The following SGMS2 variants were observed in gnomAD, a reference collection of about 807,000 sequenced individuals.
The protein encoded by SGMS2 is sphingomyelin synthase 2.
Under a neutral mutation model 43.8 loss-of-function variants are expected in SGMS2, and 21 were observed. The observed-to-expected ratio is 0.48, with a 90% CI of 0.34 to 0.69. The LOEUF (loss-of-function observed/expected upper bound fraction) is 0.69, where lower values mean the gene tolerates loss of function less well. SGMS2 is among the 30% of genes least tolerant of loss of function. SGMS2 has a pLI of 0.01. For missense variants in SGMS2, 384 were observed against 443.2 expected, an observed-to-expected ratio of 0.87 and a Z score of 1.20; for synonymous variants, 167 against 160.6, an observed-to-expected ratio of 1.04 and a Z score of -0.30.
intron 1 of SGMS2, among the ~76,000 whole-genome samples, chr4:107,841,601 A>G (rs1401395678): frequency 6.6e-6 from 1 of 152,066 alleles, no homozygotes; most frequent in Admixed American, 6.6e-5. Context: ...AATAGATGCT[A>G]CTTATCATGG....
Position 107,825,610 on chromosome 4 carries a change from TTTTC to T in SGMS2, c.-327+363_-327+366del, listed in dbSNP as rs1725538223. Among the ~76,000 whole-genome samples, 11 of 149,560 alleles carry T rather than the reference TTTTC, an allele frequency of 7.4e-5. No individual in the cohort carries two copies. In the South Asian group the frequency reaches 2.3e-3, roughly 31 times the overall value. ...TGTGTGTTTGTGTGTGTGGTTTTTC[TTTTC>T]TTTCTCTTTTTTTTTTTTTTTTTTT... is the stretch of plus-strand genomic sequence containing the variant. On this transcript the variant is annotated intron_variant, in intron 1 of 6. Transcript: ENST00000690982.
rs547138004 is a variant in SGMS2, at chr4:107,912,836, A to C, written c.*2283A>C. The C allele has an allele frequency of 3.9e-5, 6 of 152,156 alleles. No individual in the cohort carries two copies. The highest frequency in any genetic ancestry group is 7.3e-5 in the Non-Finnish European group (5 of 68,036). The allele number at this position is 152,156 out of a possible 1,614,324, so 9.4% of individuals were successfully genotyped here. ...AAAAACACCTGTGATGCCAATGTGG[A>C]CATTGCCGCTGCCATGTCTTTACAC... On this transcript the variant is annotated 3_prime_UTR_variant, in exon 7 of 7. Transcript: ENST00000690982.
chr4:107,914,310 G>A lies in SGMS2; in HGVS notation c.*3757G>A, dbSNP rs899699202. On this transcript the variant is annotated 3_prime_UTR_variant, in exon 7 of 7. Transcript: ENST00000690982. Reference sequence around the variant, plus strand: ...GCTGTGTTCTAAATAAATCATGAATGAGAAGAGTGCTTTATTGTGAAATTA... The same window carrying A: ...GCTGTGTTCTAAATAAATCATGAATAAGAAGAGTGCTTTATTGTGAAATTA... 1.3e-5 allele frequency: 2 copies of A among 152,074 alleles called. No homozygotes were observed. The highest frequency in any genetic ancestry group is 4.8e-5 in the African/African-American group (2 of 41,440). 9.4% of individuals were successfully genotyped at this position (152,074 alleles called of 1,614,324 possible).
At chr4:107,849,624 A>G (rs1169919023) in intron 1 of SGMS2, among the ~76,000 whole-genome samples, 2 of 152,124 alleles carry the variant, frequency 1.3e-5, no homozygotes, top group Non-Finnish European at 2.9e-5. Flanking sequence ...ACTGTGGTCC[A>G]CAGAATTAAA....
intron 6 of SGMS2, among the ~76,000 whole-genome samples, chr4:107,909,741 C>G (rs1312674839): frequency 1.3e-5 from 2 of 152,210 alleles, no homozygotes; most frequent in East Asian, 3.8e-4. Context: ...CCATGACTTA[C>G]TTATCTTTGA....
chr4:107,870,895 A>G (rs575514502), intron 2 of SGMS2, among the ~76,000 whole-genome samples: 1 of 152,104 alleles, frequency 6.6e-6, no homozygotes, highest in Non-Finnish European at 1.5e-5. Flanking sequence ...TTATTTATAT[A>G]GAGTCATCAA....
chr4:107,851,530 C>T (rs1015497186), intron 1 of SGMS2, among the ~76,000 whole-genome samples: 2 of 152,172 alleles, frequency 1.3e-5, no homozygotes, highest in South Asian at 2.1e-4. Flanking sequence ...GACTAAATTA[C>T]TCAGGTATAG....
intron 2 of SGMS2, among the ~76,000 whole-genome samples, chr4:107,859,497 G>A (rs1237760581): frequency 6.6e-6 from 1 of 152,106 alleles, no homozygotes; most frequent in African/African-American, 2.4e-5. Context: ...CACTAAGAAT[G>A]GCAGCTATTT....
chr4:107,855,140 A>C (rs1380888749), intron 1 of SGMS2, among the ~76,000 whole-genome samples: 1 of 152,184 alleles, frequency 6.6e-6, no homozygotes, highest in Non-Finnish European at 1.5e-5. Context: ...CTTACTATAT[A>C]CCAGGTGCTG....
At position 107,887,712 on chromosome 4, in the gene SGMS2, A is replaced by G. The variant is rs545179065; in HGVS notation, c.-244-7598A>G. ...TAGGATCACAGGTCATTGTAAAATA[A>G]GTCATTTCATTTAACCAAAGTGATA... On this transcript the variant is annotated intron_variant, in intron 2 of 6. Transcript: ENST00000690982. Among the ~76,000 whole-genome samples the G allele has an allele frequency of 5.3e-5, 8 of 152,366 alleles. No individual in the cohort carries two copies. In the South Asian group the frequency reaches 1.2e-3, roughly 24 times the overall value.
In SGMS2 at chr4:107,899,439, CTG is replaced by C. The variant is rs1437458479; in HGVS notation, c.456-133_456-132del. 4 of 601,032 alleles carry C rather than the reference CTG, an allele frequency of 6.7e-6. No homozygotes were observed. The African/African-American group carries it at 7.7e-5, about 12-fold the overall frequency. 37.2% of individuals were successfully genotyped at this position (601,032 alleles called of 1,614,324 possible). A position where few individuals can be genotyped will look rare whatever the true frequency, so the allele number is the denominator to read the frequency against. ...CAACTCAAAAGTAAGCCTTTAAACT[CTG>C]TGAAACTGTGGTTTGTTTGTTAATG... On this transcript the variant is annotated intron_variant, in intron 3 of 6. Coordinates refer to ENST00000690982, the MANE Select transcript of SGMS2 (RefSeq NM_001375905.1).
At chr4:107,884,061 G>A (rs561702814) in intron 2 of SGMS2, among the ~76,000 whole-genome samples, 7 of 150,650 alleles carry the variant, frequency 4.6e-5, no homozygotes, top group Non-Finnish European at 7.4e-5. Context: ...ATTTTTCTTG[G>A]CTAGAAGTCT....
chr4:107,866,302 C>T (rs768996950), intron 2 of SGMS2, among the ~76,000 whole-genome samples: 11 of 152,130 alleles, frequency 7.2e-5, no homozygotes, highest in Non-Finnish European at 1.2e-4. Flanking sequence ...TTGTGGCTCA[C>T]ACCTGTAATC....
intron 2 of SGMS2, among the ~76,000 whole-genome samples, chr4:107,886,326 A>AGTAGCTG (rs1251016911): frequency 6.6e-6 from 1 of 150,942 alleles, no homozygotes; most frequent in Non-Finnish European, 1.5e-5. Flanking sequence ...TAGCCTCCCA[A>AGTAGCTG]GTAGCTGGGA....
At chr4:107,857,624 G>C (rs1312111723) in intron 1 of SGMS2, among the ~76,000 whole-genome samples, 1 of 151,658 alleles carries the variant, frequency 6.6e-6, no homozygotes, top group Non-Finnish European at 1.5e-5. Context: ...TTCATATTGT[G>C]GTTCTATGAA....
chr4:107,900,280 A>G (rs10516548), intron 4 of SGMS2, among the ~76,000 whole-genome samples: 22,237 of 152,108 alleles, frequency 0.15, 2,840 homozygotes, highest in African/African-American at 0.35. Context: ...AGGCTAAAAC[A>G]TTGCTTATTC....
At chr4:107,900,298 G>A (rs565686456) in intron 4 of SGMS2, among the ~76,000 whole-genome samples, 1 of 152,324 alleles carries the variant, frequency 6.6e-6, no homozygotes, top group African/African-American at 2.4e-5. Context: ...TTCACAGTGG[G>A]TTAAAGGAAG....
intron 1 of SGMS2, among the ~76,000 whole-genome samples, chr4:107,828,120 T>G (rs1318506965): frequency 1.3e-5 from 2 of 152,236 alleles, no homozygotes; most frequent in African/African-American, 4.8e-5. Context: ...ATGTGTTACT[T>G]ATGGAAATTT....
chr4:107,874,998 A>G (rs1430961584), intron 2 of SGMS2, among the ~76,000 whole-genome samples: 1 of 152,204 alleles, frequency 6.6e-6, no homozygotes, highest in Admixed American at 6.5e-5. Context: ...TGCTTTTGAG[A>G]GACAATTATT....
Sources: allele counts gnomAD v4.1 joint callset (sites outside exome capture counted in the v4.1 genomes callset), GRCh38; gene constraint gnomAD v4.1.1; transcripts MANE v1.5; gene names NCBI Gene and HGNC (gene_info 2026-07-23, HGNC 2026-07-21).